The following LEPROTL1 variants were observed in gnomAD, a reference collection of about 807,000 sequenced individuals.
The protein encoded by LEPROTL1 is leptin receptor overlapping transcript-like 1.
In LEPROTL1, 6 loss-of-function variants were observed where a neutral mutation model predicts 15.4. The ratio of observed to expected loss-of-function variants is 0.39; its 90% CI spans 0.21 to 0.77. The LOEUF (loss-of-function observed/expected upper bound fraction) is 0.77, where lower values mean the gene tolerates loss of function less well. LEPROTL1 is among the 30% of genes least tolerant of loss of function. The pLI, the probability that LEPROTL1 is intolerant of heterozygous loss-of-function variation, is 0.41. For missense variants in LEPROTL1, 128 were observed against 158.1 expected, an observed-to-expected ratio of 0.81 and a Z score of 1.02; for synonymous variants, 56 against 52.6, an observed-to-expected ratio of 1.06 and a Z score of -0.28.
chr8:30,132,072 G>A (rs1446048052), intron 3 of LEPROTL1: 3 of 1,551,774 alleles, frequency 1.9e-6, no homozygotes, highest in Non-Finnish European at 2.6e-6. Context: ...CAGCCAGCAT[G>A]ATGTAGGCAA....
chr8:30,122,283 AC>A (rs1458925660), intron 3 of LEPROTL1, among the ~76,000 whole-genome samples: 1 of 152,094 alleles, frequency 6.6e-6, no homozygotes, highest in Admixed American at 6.6e-5. Context: ...ATGAAATTGG[AC>A]CCCTACTTCA....
chr8:30,108,779 C>T (rs1336491985), downstream of LEPROTL1, among the ~76,000 whole-genome samples: 2 of 152,074 alleles, frequency 1.3e-5, no homozygotes, highest in African/African-American at 2.4e-5. Flanking sequence ...AGGCATAGGT[C>T]ACCACACCTG....
In LEPROTL1 at chr8:30,107,165, CT is replaced by C; in HGVS notation, c.*1305del. ...TTCATCATGATAGATCTGCTGTTTC[CT>C]TATAAAAGGCATTTGTTGTGTGAGT... On this transcript the variant is annotated 3_prime_UTR_variant, in exon 4 of 4. Transcript: ENST00000321250. The C allele has an allele frequency of 1.0e-6, 1 of 985,354 alleles. No homozygotes were observed. Among genetic ancestry groups the C allele is most frequent in the Non-Finnish European group, 1.2e-6 (1 of 829,904 alleles). The allele number at this position is 985,354 out of a possible 1,614,324, so 61.0% of individuals were successfully genotyped here. A position where few individuals can be genotyped will look rare whatever the true frequency, so the allele number is the denominator to read the frequency against.
At chr8:30,131,239 A>AC (rs753444732) in intron 3 of LEPROTL1, among the ~76,000 whole-genome samples, 1 of 149,924 alleles carries the variant, frequency 6.7e-6, no homozygotes, top group Non-Finnish European at 1.5e-5. Context: ...AGGTGCATAC[A>AC]CCATGTCCAC....
At chr8:30,119,856 G>A (rs1281847150) in intron 3 of LEPROTL1, among the ~76,000 whole-genome samples, 1 of 152,100 alleles carries the variant, frequency 6.6e-6, no homozygotes, top group East Asian at 1.9e-4. Context: ...ATCACTTCAG[G>A]ACAGGAGTTC....
intron 3 of LEPROTL1, among the ~76,000 whole-genome samples, chr8:30,130,783 T>A (rs1052966374): frequency 4.7e-5 from 7 of 148,742 alleles, no homozygotes; most frequent in Non-Finnish European, 7.5e-5. Flanking sequence ...AAAAAAAAAT[T>A]TTTTTTTTTT....
At chr8:30,105,434 T>C (rs1454510797) in intron 3 of LEPROTL1, among the ~76,000 whole-genome samples, 76 of 151,970 alleles carry the variant, frequency 5.0e-4, no homozygotes, top group Non-Finnish European at 8.8e-5. Flanking sequence ...AAGCTTGTTT[T>C]TGAATGGTCA....
chr8:30,103,004 G>A (rs1043015457), intron 2 of LEPROTL1, among the ~76,000 whole-genome samples: 23 of 152,132 alleles, frequency 1.5e-4, no homozygotes, highest in African/African-American at 5.6e-4. Context: ...ACTTGCAGAT[G>A]TTTACAAAGA....
chr8:30,095,626 C>G, intron 1 of LEPROTL1, 98 bp downstream of exon 1: 1 of 1,052,408 alleles, frequency 9.5e-7, no homozygotes, highest in Non-Finnish European at 1.2e-6. Flanking sequence ...CGGGCTCGCG[C>G]GCGCGCGTGG....
intron 3 of LEPROTL1, among the ~76,000 whole-genome samples, chr8:30,115,044 T>C (rs541378233): frequency 2.6e-5 from 4 of 152,278 alleles, no homozygotes; most frequent in Non-Finnish European, 2.9e-5. Context: ...CTGAAACTCA[T>C]GTACAGTATT....
chr8:30,134,962 C>T (rs2117538307), intron 4 of LEPROTL1, among the ~76,000 whole-genome samples: 1 of 152,312 alleles, frequency 6.6e-6, no homozygotes. Context: ...TCACTGCAAC[C>T]TCTGCCTCCC....
At chr8:30,099,688 A>G (rs891456458) in intron 1 of LEPROTL1, among the ~76,000 whole-genome samples, 15 of 151,466 alleles carry the variant, frequency 9.9e-5, no homozygotes, top group African/African-American at 3.1e-4. Flanking sequence ...GTTAAGTTGG[A>G]GGAAAGTAGA....
At chr8:30,131,296 A>ATATATGTGTGTGTG (rs367717206) in intron 3 of LEPROTL1, among the ~76,000 whole-genome samples, 2 of 123,896 alleles carry the variant, frequency 1.6e-5, no homozygotes, top group African/African-American at 5.5e-5. Context: ...ATATATATAT[A>ATATATGTGTGTGTG]TGTGTGTGTG....
intron 3 of LEPROTL1, chr8:30,132,334 C>T: frequency 3.9e-6 from 6 of 1,551,758 alleles, no homozygotes; most frequent in Non-Finnish European, 4.4e-6. Context: ...GCTTTGGTTC[C>T]ACTTTCTTGA....
At chr8:30,102,257 C>G (rs573300068) in intron 2 of LEPROTL1, among the ~76,000 whole-genome samples, 1 of 151,990 alleles carries the variant, frequency 6.6e-6, no homozygotes, top group South Asian at 2.1e-4. Context: ...TTTTTAACAT[C>G]TATTGATAAT....
At chr8:30,119,811 A>G (rs921721557) in intron 3 of LEPROTL1, among the ~76,000 whole-genome samples, 3 of 152,152 alleles carry the variant, frequency 2.0e-5, no homozygotes, top group Non-Finnish European at 4.4e-5. Context: ...GCTCATGTCT[A>G]TAATCCCAGC....
chr8:30,102,041 A>C, intron 2 of LEPROTL1, 68 bp downstream of exon 2: 1 of 998,498 alleles, frequency 1.0e-6, no homozygotes, highest in Middle Eastern at 3.0e-4. Flanking sequence ...GCTTAAAAAA[A>C]TGTTTTTTTA....
At chr8:30,105,695 T>A (rs775327859) in intron 3 of LEPROTL1, 51 bp from the exon 4 acceptor site, 1 of 1,517,650 alleles carries the variant, frequency 6.6e-7, no homozygotes, top group East Asian at 2.3e-5. Context: ...TTTTTTTTTA[T>A]TTTCCTTTCG....
intron 1 of LEPROTL1, among the ~76,000 whole-genome samples, chr8:30,100,720 A>G (rs1237510017): frequency 1.3e-5 from 2 of 152,202 alleles, no homozygotes; most frequent in African/African-American, 4.8e-5. Flanking sequence ...AAGTGCTGGG[A>G]TTACAGGCGT....
Sources: gnomAD v4.1 joint callset for allele counts (sites outside exome capture counted in the v4.1 genomes callset) on GRCh38, gnomAD v4.1.1 for gene constraint, MANE v1.5 for transcripts, NCBI Gene and HGNC (gene_info 2026-07-23, HGNC 2026-07-21) for gene names.